SATB2: variants seen among roughly 807,000 people sequenced by gnomAD.
The protein encoded by SATB2 is SATB homeobox 2, also known as DNA-binding protein SATB2.
Under a neutral mutation model 73.4 loss-of-function variants are expected in SATB2, and 1 was observed. That is an observed-to-expected ratio of 0.01 (90% CI 0.00 to 0.06). The LOEUF (loss-of-function observed/expected upper bound fraction) is 0.06, where lower values mean the gene tolerates loss of function less well. Among genes scored for constraint, SATB2 ranks in the 10% least tolerant of loss-of-function variants. SATB2 has a pLI of 1.00. For missense variants in SATB2, 459 were observed against 945.8 expected, an observed-to-expected ratio of 0.49 and a Z score of 6.75; for synonymous variants, 397 against 367.0, an observed-to-expected ratio of 1.08 and a Z score of -0.93.
intron 3 of SATB2, among the ~76,000 whole-genome samples, chr2:199,394,806 A>T (rs913235820): frequency 2.6e-4 from 40 of 152,146 alleles, no homozygotes; most frequent in Admixed American, 2.4e-3. Context: ...GATTTTTTTT[A>T]ATTCAACCAT....
rs1688139077 is a variant in SATB2 at position 199,329,857 on chromosome 2, T to G, written c.1174-947A>C. ...GGGACATTGTCGTACTGGGGGTAGGTGCAGGTCTATTTCCATTCTGCACAC... is the reference window on the plus strand; with the variant it reads ...GGGACATTGTCGTACTGGGGGTAGGGGCAGGTCTATTTCCATTCTGCACAC... On this transcript the variant is annotated intron_variant, in intron 7 of 10. Transcript: ENST00000417098. 3.3e-5 allele frequency among the ~76,000 whole-genome samples: 5 copies of G among 152,134 alleles called. No homozygotes were observed. In the South Asian group the frequency reaches 1.0e-3, roughly 32 times the overall value.
intron 10 of SATB2, among the ~76,000 whole-genome samples, chr2:199,294,081 G>T (rs1692953790): frequency 1.3e-5 from 2 of 152,072 alleles, no homozygotes. Flanking sequence ...TCCCATTTCT[G>T]CCAAGATGTT....
intron 10 of SATB2, among the ~76,000 whole-genome samples, chr2:199,282,069 A>G (rs1032323190): frequency 8.6e-5 from 13 of 151,648 alleles, no homozygotes; most frequent in African/African-American, 3.2e-4. Flanking sequence ...TTTTAGTAGA[A>G]ACAGTGTTTC....
chr2:199,339,756 T>G (rs946448315), intron 7 of SATB2, among the ~76,000 whole-genome samples: 2 of 152,214 alleles, frequency 1.3e-5, no homozygotes, highest in African/African-American at 4.8e-5. Flanking sequence ...TCTAGAAATA[T>G]AAACTGTATG....
chr2:199,439,072 G>C (rs764032333), intron 2 of SATB2, among the ~76,000 whole-genome samples: 1 of 152,262 alleles, frequency 6.6e-6, no homozygotes, highest in African/African-American at 2.4e-5. Context: ...CTACTTGTAA[G>C]TGAATTCACC....
In SATB2 at chr2:199,298,894, T is replaced by C. The variant is rs543229890; in HGVS notation, c.1740+9866A>G. Reference sequence around the variant, plus strand: ...CAATGAGAAGCACTCTGGTAGAAAATTGAAACAGAAAATGTGAAGAAGGCT... The same window carrying C: ...CAATGAGAAGCACTCTGGTAGAAAACTGAAACAGAAAATGTGAAGAAGGCT... On this transcript the variant is annotated intron_variant, in intron 10 of 10. Coordinates refer to ENST00000417098, the MANE Select transcript of SATB2 (RefSeq NM_001172509.2). Among the ~76,000 whole-genome samples, 10 of 152,256 alleles carry C rather than the reference T, an allele frequency of 6.6e-5. No individual in the cohort carries two copies. The South Asian group carries it at 1.2e-3, about 19-fold the overall frequency.
intron 9 of SATB2, among the ~76,000 whole-genome samples, chr2:199,317,478 A>G (rs1687768046): frequency 6.6e-6 from 1 of 152,106 alleles, no homozygotes; most frequent in Admixed American, 6.5e-5. Flanking sequence ...AGGCAAAATA[A>G]TGAACTCAAA....
At chr2:199,431,587 C>CT (rs1247736382) in intron 3 of SATB2, among the ~76,000 whole-genome samples, 6 of 152,196 alleles carry the variant, frequency 3.9e-5, no homozygotes. Flanking sequence ...GACTTGTTCC[C>CT]TGTTTAATAA....
At chr2:199,458,836 G>A (rs1692387289), upstream of SATB2, 1 of 310,904 alleles carries the variant, frequency 3.2e-6, no homozygotes, top group African/African-American at 2.4e-5. Context: ...CCTCCGCGCC[G>A]AGCCGAACGT....
chr2:199,381,597 G>C, intron 4 of SATB2, 97 bp downstream of exon 4: 2 of 1,517,578 alleles, frequency 1.3e-6, no homozygotes, highest in Non-Finnish European at 1.8e-6. Flanking sequence ...CCAATGTCCA[G>C]AAATTAATAG....
chr2:199,419,116 C>T (rs957378078), intron 3 of SATB2, among the ~76,000 whole-genome samples: 1 of 152,152 alleles, frequency 6.6e-6, no homozygotes, highest in Non-Finnish European at 1.5e-5. Flanking sequence ...CATTTCAAAG[C>T]CCTTTTAAAA....
rs200673515 is a variant in SATB2, at chr2:199,338,741, AC to A, written c.1174-9832del. Reference sequence around the variant, plus strand: ...AGACTAGCCTGGGCAACATGGTGAAACCCCATCTCTACTAAAATACAAAAAA... The same window carrying A: ...AGACTAGCCTGGGCAACATGGTGAAACCCATCTCTACTAAAATACAAAAAA... On this transcript the variant is annotated intron_variant, in intron 7 of 10. Transcript: ENST00000417098. Among the ~76,000 whole-genome samples, 110 of 151,780 alleles carry A rather than the reference AC, an allele frequency of 7.2e-4. 1 individual carries two copies. In the East Asian group the frequency reaches 0.017, roughly 24 times the overall value.
intron 10 of SATB2, among the ~76,000 whole-genome samples, chr2:199,304,693 C>G (rs552046979): frequency 6.6e-6 from 1 of 152,132 alleles, no homozygotes; most frequent in Non-Finnish European, 1.5e-5. Context: ...ATCTAGCTTA[C>G]GAAGTGTGTT....
rs1692524621 is a variant in SATB2, at chr2:199,463,426, A to G, written c.-141+1410T>C. Among the ~76,000 whole-genome samples, 2 of 152,156 alleles carry G rather than the reference A, an allele frequency of 1.3e-5. No individual in the cohort carries two copies. Among genetic ancestry groups the G allele is most frequent in the Admixed American group, 1.3e-4 (2 of 15,286 alleles). On this transcript the variant is annotated intron_variant, in intron 1 of 11. Coordinates refer to the SATB2 transcript ENST00000260926. The surrounding 1 kb of genome is among the most constrained non-coding windows in gnomAD (Gnocchi z 6.4). Reference sequence around the variant, plus strand: ...CCCGCCGCGTTTTCCTTAGGGAAACACCGAGTGAGGCAGAGGATCTCAGGC... The same window carrying G: ...CCCGCCGCGTTTTCCTTAGGGAAACGCCGAGTGAGGCAGAGGATCTCAGGC...
At chr2:199,389,000 A>C (rs1690040290) in intron 3 of SATB2, among the ~76,000 whole-genome samples, 1 of 152,174 alleles carries the variant, frequency 6.6e-6, no homozygotes, top group Non-Finnish European at 1.5e-5. Flanking sequence ...TATAATAAGA[A>C]CATAGAATTA....
chr2:199,417,670 GTTTCA>G (rs1444075319), intron 3 of SATB2, among the ~76,000 whole-genome samples: 4 of 152,104 alleles, frequency 2.6e-5, no homozygotes, highest in Admixed American at 6.5e-5. Context: ...AATATTTAAA[GTTTCA>G]TTTGTCATTA....
intron 6 of SATB2, among the ~76,000 whole-genome samples, chr2:199,355,168 T>C (rs1353614381): frequency 2.0e-5 from 3 of 150,310 alleles, no homozygotes; most frequent in Non-Finnish European, 4.4e-5. Flanking sequence ...AAAAATAAAA[T>C]AATACACACA....
chr2:199,380,897 A>T (rs573696393), intron 4 of SATB2, among the ~76,000 whole-genome samples: 2 of 152,302 alleles, frequency 1.3e-5, no homozygotes, highest in African/African-American at 4.8e-5. Flanking sequence ...CCTCACCCTC[A>T]TAGAATGGCT....
intron 2 of SATB2, among the ~76,000 whole-genome samples, chr2:199,446,943 TC>T (rs991633366): frequency 1.3e-5 from 2 of 152,046 alleles, no homozygotes; most frequent in Non-Finnish European, 2.9e-5. Flanking sequence ...AAAGAAATAT[TC>T]CCCCCTAAGT....
Sources: allele counts gnomAD v4.1 joint callset (sites outside exome capture counted in the v4.1 genomes callset), GRCh38; gene constraint gnomAD v4.1.1; non-coding constraint Gnocchi (gnomAD v3.1); transcripts MANE v1.5; gene names NCBI Gene and HGNC (gene_info 2026-07-23, HGNC 2026-07-21).